The following CHLSN variants were observed in gnomAD, a reference collection of about 807,000 sequenced individuals.
The protein encoded by CHLSN is cholesin.
At chr7:1,109,269 T>A in the CHLSN span, 1 of 152,210 alleles carries the variant, frequency 6.6e-6, no homozygotes, top group Non-Finnish European at 1.5e-5. Flanking sequence ...GTTCCATATA[T>A]CTGCATTACC....
chr7:1,021,785 C>T, the CHLSN span, among the ~76,000 whole-genome samples: 1 of 152,218 alleles, frequency 6.6e-6, no homozygotes, highest in African/African-American at 2.4e-5. Context: ...AGAAAGCATG[C>T]GGCAAAAATA....
At chr7:1,133,048 G>C in the CHLSN span, among the ~76,000 whole-genome samples, 2 of 152,160 alleles carry the variant, frequency 1.3e-5, no homozygotes, top group East Asian at 3.8e-4. Context: ...GTGCATCCAT[G>C]GACGAAGGGG....
chr7:998,271 C>T, the CHLSN span, among the ~76,000 whole-genome samples: 2 of 152,156 alleles, frequency 1.3e-5, no homozygotes, highest in South Asian at 4.1e-4. Flanking sequence ...GCTCACCAGT[C>T]ACCTGACAAT....
the CHLSN span, among the ~76,000 whole-genome samples, chr7:1,059,908 G>GGGTCTTAGTGAGGCA: frequency 2.4e-4 from 25 of 103,376 alleles, no homozygotes; most frequent in African/African-American, 8.5e-4. Context: ...TTAGTGAGGC[G>GGGTCTTAGTGAGGCA]GGTCTTAGTG....
the CHLSN span, chr7:1,026,519 G>C: frequency 6.6e-6 from 1 of 152,248 alleles, no homozygotes; most frequent in Non-Finnish European, 1.5e-5. Flanking sequence ...TTCTAAGACA[G>C]GCAGGCAGCT....
At chr7:1,028,313 C>G in the CHLSN span, 1 of 1,040,456 alleles carries the variant, frequency 9.6e-7, no homozygotes. Context: ...CAGGGATGCG[C>G]CCGCAGTGCG....
the CHLSN span, among the ~76,000 whole-genome samples, chr7:1,114,821 C>A: frequency 2.0e-5 from 3 of 152,242 alleles, no homozygotes; most frequent in East Asian, 5.8e-4. Flanking sequence ...TGAGGCCCCA[C>A]GGGGCAGGAG....
At chr7:1,021,380 C>T in the CHLSN span, 33 of 985,276 alleles carry the variant, frequency 3.3e-5, no homozygotes, top group Non-Finnish European at 3.5e-5. Context: ...GATGATATTG[C>T]GGATTTCAGT....
At chr7:1,104,990 A>T in the CHLSN span, among the ~76,000 whole-genome samples, 2 of 152,260 alleles carry the variant, frequency 1.3e-5, no homozygotes, top group Non-Finnish European at 2.9e-5. Flanking sequence ...TCCTTTGAAC[A>T]GTCAGGAAGT....
At chr7:990,458 G>A in the CHLSN span, among the ~76,000 whole-genome samples, 2 of 151,980 alleles carry the variant, frequency 1.3e-5, no homozygotes, top group Admixed American at 6.5e-5. Flanking sequence ...GCACGTGAGC[G>A]GCAGGCGGCC....
the CHLSN span, among the ~76,000 whole-genome samples, chr7:1,136,423 T>TATATATAAAC: frequency 8.1e-6 from 1 of 123,204 alleles, no homozygotes; most frequent in African/African-American, 3.4e-5. Context: ...TATATATAAA[T>TATATATAAAC]ATATATAAAC....
chr7:1,049,276 A>G, the CHLSN span, among the ~76,000 whole-genome samples: 1 of 152,354 alleles, frequency 6.6e-6, no homozygotes, highest in East Asian at 1.9e-4. Context: ...TGCCCTTTAT[A>G]TGTGGGGAGG....
chr7:1,126,837 G>C, the CHLSN span, among the ~76,000 whole-genome samples: 2 of 152,148 alleles, frequency 1.3e-5, 1 homozygote, highest in Non-Finnish European at 2.9e-5. Flanking sequence ...GACAATAATC[G>C]TGTTATTCGA....
the CHLSN span, among the ~76,000 whole-genome samples, chr7:1,031,434 G>A: frequency 7.5e-4 from 60 of 80,528 alleles, no homozygotes; most frequent in South Asian, 1.1e-3. Flanking sequence ...GGTCCGGGGG[G>A]GCAGAGACCT....
chr7:1,020,258 C>T, the CHLSN span, among the ~76,000 whole-genome samples: 3 of 152,210 alleles, frequency 2.0e-5, no homozygotes, highest in Non-Finnish European at 4.4e-5. Flanking sequence ...CCTCTGCCCT[C>T]CTGGGGCTCC....
the CHLSN span, among the ~76,000 whole-genome samples, chr7:1,069,267 G>C: frequency 1.3e-5 from 2 of 152,132 alleles, no homozygotes; most frequent in Non-Finnish European, 2.9e-5. Flanking sequence ...GGAGGCAGAG[G>C]TTGCGGTGAG....
the CHLSN span, among the ~76,000 whole-genome samples, chr7:1,084,011 G>A: frequency 5.9e-5 from 9 of 152,364 alleles, no homozygotes; most frequent in South Asian, 6.2e-4. Flanking sequence ...TCCCCAGGCC[G>A]GAATGGAACA....
the CHLSN span, among the ~76,000 whole-genome samples, chr7:1,101,105 C>T: frequency 6.6e-6 from 1 of 152,260 alleles, no homozygotes; most frequent in African/African-American, 2.4e-5. Flanking sequence ...CCTGAGGTGA[C>T]ACGTGCGCCA....
At chr7:1,110,062 G>C in the CHLSN span, among the ~76,000 whole-genome samples, 1 of 151,804 alleles carries the variant, frequency 6.6e-6, no homozygotes, top group East Asian at 2.0e-4. Context: ...CCCAGACACG[G>C]AGGCTACGCA....
Sources: gnomAD v4.1 joint callset for allele counts (sites outside exome capture counted in the v4.1 genomes callset) on GRCh38, gnomAD v4.1.1 for gene constraint, MANE v1.5 for transcripts, NCBI Gene and HGNC (gene_info 2026-07-23, HGNC 2026-07-21) for gene names.